THSD7B: variants seen among roughly 807,000 people sequenced by gnomAD.
THSD7B encodes the protein thrombospondin type 1 domain containing 7B.
THSD7B carries 138 observed loss-of-function variants against 213.6 expected under a neutral mutation model. That is an observed-to-expected ratio of 0.65 (90% confidence interval 0.56 to 0.74). The LOEUF (loss-of-function observed/expected upper bound fraction) is 0.74. THSD7B is among the 30% of genes least tolerant of loss of function. THSD7B has a pLI of 0.00. For missense variants in THSD7B, 1,931 were observed against 1,991.5 expected (o/e 0.97, Z 0.58); for synonymous variants, 742 against 687.0 (o/e 1.08, Z -1.25).
chr2:137,533,758 G>C (rs1249727857), intron 15 of THSD7B, among the ~76,000 whole-genome samples: 1 of 151,890 alleles, frequency 6.6e-6, no homozygotes, highest in African/African-American at 2.4e-5. Context: ...CTGGGTTATT[G>C]AGATTTCAGC....
In THSD7B at chr2:137,131,881, A is replaced by G. The variant is rs532418980; in HGVS notation, c.1369+16588A>G. Among the ~76,000 whole-genome samples the G allele has an allele frequency of 3.1e-3, 474 of 152,154 alleles. 4 individuals are homozygous for G. The highest frequency in any genetic ancestry group is 0.011 in the African/African-American group (439 of 41,490). ...AATGTGGGCTCTTTTTTGGTTCCAT[A>G]TGAACTTTAAAGTAGTTTTTTCCAA... is the stretch of plus-strand genomic sequence containing the variant. On this transcript the variant is annotated intron_variant, in intron 5 of 27. Transcript: ENST00000409968.
In THSD7B at chr2:136,825,718, A is replaced by ATTTTTTTTTTTTTTTTTTTTTTTTTTTT. The variant is rs55814718; in HGVS notation, c.-35-56410_-35-56409insTTTTTTTTTTTTTTTTTTTTTTTTTTTT. On this transcript the variant is annotated intron_variant, in intron 1 of 27. Coordinates refer to ENST00000409968, the MANE Select transcript of THSD7B (RefSeq NM_001316349.2). Reference sequence around the variant, plus strand: ...AGGTGCTCACTGCCATGCCTGGCTAATTTTTTTTTTTTTTTTAGATCTGGG... The same window carrying ATTTTTTTTTTTTTTTTTTTTTTTTTTTT: ...AGGTGCTCACTGCCATGCCTGGCTAATTTTTTTTTTTTTTTTTTTTTTTTTTTTTTTTTTTTTTTTTTTTAGATCTGGG... 1.1e-4 allele frequency among the ~76,000 whole-genome samples: 13 copies of ATTTTTTTTTTTTTTTTTTTTTTTTTTTT among 116,896 alleles called. 1 individual carries two copies. The highest frequency in any genetic ancestry group is 4.5e-3 in the Middle Eastern group (1 of 222). 76.7% of individuals were successfully genotyped at this position (116,896 alleles called of 152,430 possible).
intron 17 of THSD7B, among the ~76,000 whole-genome samples, chr2:137,588,971 G>A (rs1681805787): frequency 6.6e-6 from 1 of 151,844 alleles, no homozygotes; most frequent in Non-Finnish European, 1.5e-5. Flanking sequence ...GTAGAGATGG[G>A]GTTTTGCCAT....
At chr2:137,186,065 A>G (rs1173208103) in intron 7 of THSD7B, among the ~76,000 whole-genome samples, 1 of 151,890 alleles carries the variant, frequency 6.6e-6, no homozygotes, top group Non-Finnish European at 1.5e-5. Flanking sequence ...TCCTTTGCCT[A>G]CTTTTTAGTG....
intron 7 of THSD7B, among the ~76,000 whole-genome samples, chr2:137,192,719 T>A (rs917378588): frequency 6.6e-6 from 1 of 152,218 alleles, no homozygotes; most frequent in African/African-American, 2.4e-5. Flanking sequence ...TCCTGAAATC[T>A]GGATGTATTT....
chr2:137,010,382 A>G (rs954688108), intron 2 of THSD7B, among the ~76,000 whole-genome samples: 1 of 152,232 alleles, frequency 6.6e-6, no homozygotes, highest in Non-Finnish European at 1.5e-5. Context: ...GACTTGGAAC[A>G]ATTCTGTTAA....
At chr2:137,243,541 A>G (rs1681960560) in intron 10 of THSD7B, among the ~76,000 whole-genome samples, 1 of 152,224 alleles carries the variant, frequency 6.6e-6, no homozygotes, top group Non-Finnish European at 1.5e-5. Context: ...AGAAGAAAGT[A>G]TGCAGTTCTG....
intron 1 of THSD7B, among the ~76,000 whole-genome samples, chr2:136,824,001 T>C (rs997735985): frequency 3.3e-5 from 5 of 152,200 alleles, no homozygotes; most frequent in African/African-American, 1.2e-4. Context: ...AGAATTGTAC[T>C]AAACATTTTG....
chr2:137,631,136 T>G (rs1682734423), intron 20 of THSD7B, among the ~76,000 whole-genome samples: 1 of 152,220 alleles, frequency 6.6e-6, no homozygotes, highest in African/African-American at 2.4e-5. Flanking sequence ...TGTTAAAGAT[T>G]TCAAGGTCAG....
chr2:137,209,066 T>C (rs927368781), intron 7 of THSD7B, among the ~76,000 whole-genome samples: 17 of 152,078 alleles, frequency 1.1e-4, no homozygotes, highest in African/African-American at 4.1e-4. Context: ...TGCTTTAAGG[T>C]TAAACTATAA....
intron 7 of THSD7B, among the ~76,000 whole-genome samples, chr2:137,219,751 A>G (rs568081535): frequency 4.1e-4 from 63 of 152,150 alleles, no homozygotes; most frequent in South Asian, 1.7e-3. Context: ...ATTTATTGAG[A>G]CCTACTATGT....
chr2:137,585,763 G>A (rs949729025), intron 17 of THSD7B, among the ~76,000 whole-genome samples: 1 of 152,200 alleles, frequency 6.6e-6, no homozygotes, highest in African/African-American at 2.4e-5. Flanking sequence ...TTTCAACTAT[G>A]TGGTCAATTT....
chr2:136,867,404 A>G (rs1252367003), intron 1 of THSD7B, among the ~76,000 whole-genome samples: 1 of 152,220 alleles, frequency 6.6e-6, no homozygotes, highest in Non-Finnish European at 1.5e-5. Context: ...CATGCAAACA[A>G]GAAATGCTTT....
Position 137,013,679 on chromosome 2 carries a change from C to A in THSD7B, c.140-42741C>A, listed in dbSNP as rs1686281081. Among the ~76,000 whole-genome samples the A allele has an allele frequency of 1.3e-5, 2 of 152,066 alleles. 1 individual carries two copies. Among genetic ancestry groups the A allele is most frequent in the South Asian group, 4.1e-4 (2 of 4,824 alleles). On this transcript the variant is annotated intron_variant, in intron 2 of 27. Coordinates refer to ENST00000409968, the MANE Select transcript of THSD7B (RefSeq NM_001316349.2). ...CTGCACAGAATTCCCTTTTGGGGTG[C>A]CTACCAACCCCCTGATCCTTCTTTA...
rs527537045 is a variant in THSD7B, at chr2:137,301,953, G to T, written c.2500+25927G>T. Among the ~76,000 whole-genome samples, 3 of 152,052 alleles carry T rather than the reference G, an allele frequency of 2.0e-5. No homozygotes were observed. The South Asian group carries it at 6.3e-4, about 32-fold the overall frequency. On this transcript the variant is annotated intron_variant, in intron 12 of 27. Transcript: ENST00000409968. ...TTACATGGTGGTTAAGTGGATAAGA[G>T]ACTATACTTGAAAAGACCCAAGCAA...
At chr2:137,591,198 T>C (rs992956237) in intron 17 of THSD7B, among the ~76,000 whole-genome samples, 1 of 151,912 alleles carries the variant, frequency 6.6e-6, no homozygotes, top group Non-Finnish European at 1.5e-5. Context: ...TGTACTTATT[T>C]AATCTATTTG....
At chr2:137,616,542 G>T (rs1682390733) in intron 18 of THSD7B, among the ~76,000 whole-genome samples, 1 of 152,168 alleles carries the variant, frequency 6.6e-6, no homozygotes, top group Non-Finnish European at 1.5e-5. Flanking sequence ...AGTAAGAGAA[G>T]CTTAGAAAGA....
intron 1 of THSD7B, among the ~76,000 whole-genome samples, chr2:136,832,747 A>G (rs180971402): frequency 6.6e-6 from 1 of 152,200 alleles, no homozygotes; most frequent in Non-Finnish European, 1.5e-5. Flanking sequence ...AACAAGAACT[A>G]TGCTGGTCCA....
In THSD7B at chr2:137,289,586, G is replaced by A. The variant is rs1295506913; in HGVS notation, c.2500+13560G>A. Among the ~76,000 whole-genome samples, 13 of 152,108 alleles carry A rather than the reference G, an allele frequency of 8.5e-5. 1 individual carries two copies. The highest frequency in any genetic ancestry group is 8.8e-5 in the Non-Finnish European group (6 of 68,030). On this transcript the variant is annotated intron_variant, in intron 12 of 27. Coordinates refer to ENST00000409968, the MANE Select transcript of THSD7B (RefSeq NM_001316349.2). Reference sequence around the variant, plus strand: ...GACAGAAAAATGATTTGGCAATTGAGTAGCTGTAGCTGAATATATAGACTC... The same window carrying A: ...GACAGAAAAATGATTTGGCAATTGAATAGCTGTAGCTGAATATATAGACTC...
Sources: allele counts gnomAD v4.1 joint callset (sites outside exome capture counted in the v4.1 genomes callset), GRCh38; gene constraint gnomAD v4.1.1; transcripts MANE v1.5; gene names NCBI Gene and HGNC (gene_info 2026-07-23, HGNC 2026-07-21).